The following MTMR4 variants were observed in gnomAD, a reference collection of about 807,000 sequenced individuals.
MTMR4 encodes myotubularin related protein 4.
A neutral mutation model predicts 125.5 loss-of-function variants in MTMR4; 30 were observed. The observed-to-expected ratio is 0.24, with a 90% CI of 0.18 to 0.32. MTMR4 has a LOEUF of 0.32. MTMR4 is among the 10% of genes least tolerant of loss of function. The pLI is 1.00. For missense variants in MTMR4, 1,039 were observed against 1,511.5 expected, an observed-to-expected ratio of 0.69 and a Z score of 5.18; for synonymous variants, 498 against 564.5, an observed-to-expected ratio of 0.88 and a Z score of 1.67.
chr17:58,497,199 C>T (rs1432881873), intron 14 of MTMR4, among the ~76,000 whole-genome samples: 1 of 152,222 alleles, frequency 6.6e-6, no homozygotes, highest in African/African-American at 2.4e-5. Context: ...TTTTAGATGG[C>T]TCAGTCAGTT....
intron 14 of MTMR4, among the ~76,000 whole-genome samples, chr17:58,500,734 C>A (rs139552693): frequency 2.6e-5 from 3 of 113,792 alleles, no homozygotes; most frequent in African/African-American, 3.6e-5. Context: ...GGTGACAGAG[C>A]GAGATTCTGT....
chr17:58,492,865 G>T lies in MTMR4; in HGVS notation c.3340C>A (p.Pro1114Thr). Residue 1114 changes from proline (P) to threonine (T), a missense_variant, in exon 16 of 18, where the codon CCT becomes ACT. Transcript: ENST00000682306. Reference protein sequence around the residue: ...EDCLSEASWEPVDKKETEVTR... With the variant: ...EDCLSEASWETVDKKETEVTR... ...ACCTCAGTCTCTTTCTTATCAACAG[G>T]TTCCCAGCTTGCTTCTGAAAGGCAG... 1 of 1,614,126 alleles carries T rather than the reference G, an allele frequency of 6.2e-7. No homozygotes were observed. The highest frequency in any genetic ancestry group is 1.1e-5 in the South Asian group (1 of 91,082).
chr17:58,511,984 CT>C (rs527911785), intron 3 of MTMR4, among the ~76,000 whole-genome samples: 210 of 147,254 alleles, frequency 1.4e-3, no homozygotes, highest in Middle Eastern at 3.6e-3. Context: ...GGATCCCCAA[CT>C]TTTTTTTTTT....
At position 58,512,489 on chromosome 17, in the gene MTMR4, C is replaced by T. The variant is rs992875198; in HGVS notation, c.153G>A (p.Leu51=). The T allele has an allele frequency of 1.9e-6, 3 of 1,613,954 alleles. No homozygotes were observed. In the African/African-American group the frequency reaches 4.0e-5, roughly 22 times the overall value. The change falls in exon 3 of 18, where the codon CTG becomes CTA. Residue 51 remains leucine, a synonymous_variant. Coordinates refer to ENST00000682306, the MANE Select transcript of MTMR4 (RefSeq NM_001378067.1). This position sits in a 1 kb window ranked among gnomAD's most constrained non-coding sequence, Gnocchi z 4.1. ...EENLQVPFTV[L]QGEGVEFLGR... ...CCAGGAACTCTACTCCCTCACCCTG[C>T]AGCACTGTGAAGGGGACCTGTCAAG...
intron 14 of MTMR4, among the ~76,000 whole-genome samples, chr17:58,501,470 A>G (rs773224901): frequency 1.3e-5 from 2 of 152,004 alleles, no homozygotes; most frequent in African/African-American, 2.4e-5. Context: ...GAGTGACAGA[A>G]CAAGACCCTG....
chr17:58,506,716 C>T (rs1342193318), intron 9 of MTMR4, 27 bp downstream of exon 9: 4 of 1,609,684 alleles, frequency 2.5e-6, no homozygotes, highest in Non-Finnish European at 3.4e-6. Context: ...CACAGGCTGG[C>T]TGCAGACACT....
rs1235302486 is a variant in MTMR4, at chr17:58,504,930, G to A, written c.1190C>T (p.Ser397Leu). Residue 397 changes from serine (S) to leucine (L), a missense_variant, in exon 11 of 18, where the codon TCG (serine) becomes TTG (leucine). This residue lies in a region of MTMR4 where 107 missense variants were observed against 267.4 expected (regional missense o/e 0.40). Coordinates refer to ENST00000682306, the MANE Select transcript of MTMR4 (RefSeq NM_001378067.1). The surrounding 1 kb of genome is among the most constrained non-coding windows in gnomAD (Gnocchi z 7.1). Reference sequence around the variant, plus strand: ...CAGCACAGCTGCTTTTAGCATCACCGACAAGTGCTGCAGCCATTTGGTACT... The same window carrying A: ...CAGCACAGCTGCTTTTAGCATCACCAACAAGTGCTGCAGCCATTTGGTACT... The part of the protein sequence containing the change: ...LESTKWLQHL[S>L]VMLKAAVLVA... 2.5e-6 allele frequency: 4 copies of A among 1,613,364 alleles called. No homozygotes were observed. The highest frequency in any genetic ancestry group is 2.5e-6 in the Non-Finnish European group (3 of 1,179,712).
In MTMR4 at chr17:58,495,837, A is replaced by C; in HGVS notation, c.2347T>G (p.Ser783Ala). The C allele has an allele frequency of 6.2e-7, 1 of 1,614,128 alleles. No homozygotes were observed. The highest frequency in any genetic ancestry group is 8.5e-7 in the Non-Finnish European group (1 of 1,180,024). Residue 783 changes from serine to alanine, a missense_variant, in exon 15 of 18, where the codon TCT becomes GCT. Physicochemically the swap from Ser to Ala is moderately conservative, Grantham distance 99. This residue lies in a region of MTMR4 where 619 missense variants were observed against 714.5 expected (regional missense o/e 0.87). Coordinates refer to ENST00000682306, the MANE Select transcript of MTMR4 (RefSeq NM_001378067.1). Reference sequence around the variant, plus strand: ...TTACAAACTCCATCACACTTGTTAGAAATGACCTTGGAGAGTGCACTGACA... The same window carrying C: ...TTACAAACTCCATCACACTTGTTAGCAATGACCTTGGAGAGTGCACTGACA... ...EAVSALSKVI[S>A]NKCDGVCNFP...
chr17:58,502,470 A>G (rs1228467865), intron 14 of MTMR4, among the ~76,000 whole-genome samples: 1 of 151,510 alleles, frequency 6.6e-6, no homozygotes, highest in South Asian at 2.1e-4. Context: ...TAATTTACAA[A>G]TTTTTAAAAA....
chr17:58,501,384 C>A (rs1189369889), intron 14 of MTMR4, among the ~76,000 whole-genome samples: 1 of 151,914 alleles, frequency 6.6e-6, no homozygotes, highest in Non-Finnish European at 1.5e-5. Flanking sequence ...AATTAGCTAC[C>A]TGGGAGGCTG....
In MTMR4 at chr17:58,512,626, C is replaced by T; in HGVS notation, c.136-120G>A. On this transcript the variant is annotated intron_variant, in intron 2 of 17. Coordinates refer to ENST00000682306, the MANE Select transcript of MTMR4 (RefSeq NM_001378067.1). This position sits in a 1 kb window ranked among gnomAD's most constrained non-coding sequence, Gnocchi z 4.1. ...TGGGCCAAGGCAAGAGAGGAGAGTT[C>T]TCTCCACGGTAACAGCACCAGGCAA... The T allele has an allele frequency of 2.3e-6, 2 of 877,356 alleles. No individual in the cohort carries two copies. The highest frequency in any genetic ancestry group is 2.4e-5 in the East Asian group (1 of 41,254). The allele number at this position is 877,356 out of a possible 1,614,324, so 54.3% of individuals were successfully genotyped here.
rs1364869409 is a variant in MTMR4, at chr17:58,504,589, A to T, written c.1342-101T>A. ...AAGCAGGAAGCTGGCAGCTTCAAAG[A>T]AAAATAGGACTGGACCTAGAAGAGG... On this transcript the variant is annotated intron_variant, in intron 11 of 17. Coordinates refer to ENST00000682306, the MANE Select transcript of MTMR4 (RefSeq NM_001378067.1). The surrounding 1 kb of genome is among the most constrained non-coding windows in gnomAD (Gnocchi z 7.1). 5 of 1,430,546 alleles carry T rather than the reference A, an allele frequency of 3.5e-6. No homozygotes were observed. The East Asian group carries it at 9.2e-5, about 26-fold the overall frequency. The allele number at this position is 1,430,546 out of a possible 1,614,324, so 88.6% of individuals were successfully genotyped here. A position where few individuals can be genotyped will look rare whatever the true frequency, so the allele number is the denominator to read the frequency against.
intron 15 of MTMR4, among the ~76,000 whole-genome samples, chr17:58,494,262 A>C (rs1975392748): frequency 6.8e-6 from 1 of 147,870 alleles, no homozygotes; most frequent in Non-Finnish European, 1.5e-5. Context: ...CGGAGGTTGC[A>C]GTGAGCTGAG....
chr17:58,504,653 A>G lies in MTMR4; in HGVS notation c.1341+126T>C, dbSNP rs911503379. 3.0e-6 allele frequency: 4 copies of G among 1,315,984 alleles called. No individual in the cohort carries two copies. The highest frequency in any genetic ancestry group is 3.1e-6 in the Non-Finnish European group (3 of 962,674). The allele number at this position is 1,315,984 out of a possible 1,614,324, so 81.5% of individuals were successfully genotyped here. A position where few individuals can be genotyped will look rare whatever the true frequency, so the allele number is the denominator to read the frequency against. On this transcript the variant is annotated intron_variant, in intron 11 of 17. Coordinates refer to ENST00000682306, the MANE Select transcript of MTMR4 (RefSeq NM_001378067.1). The surrounding 1 kb of genome is among the most constrained non-coding windows in gnomAD (Gnocchi z 7.1). Reference sequence around the variant, plus strand: ...AATTTTCCAAGCCTTTGGGAGTTGGAAAAAAAAAGAAAAAAAGAGCCACCA... The same window carrying G: ...AATTTTCCAAGCCTTTGGGAGTTGGGAAAAAAAAGAAAAAAAGAGCCACCA...
rs149159403 is a variant in MTMR4, at chr17:58,495,275, C to G, written c.2909G>C (p.Arg970Thr). 18 of 1,614,106 alleles carry G rather than the reference C, an allele frequency of 1.1e-5. No individual in the cohort carries two copies. Among genetic ancestry groups the G allele is most frequent in the Non-Finnish European group, 1.5e-5 (18 of 1,180,064 alleles). The change falls in exon 15 of 18, where the codon AGA (arginine) becomes ACA (threonine). Residue 970 changes from arginine to threonine, a missense_variant. Around this residue, in one of 6 missense-constraint regions of MTMR4, gnomAD observed 619 missense variants for 714.5 expected, o/e 0.87. Coordinates refer to ENST00000682306, the MANE Select transcript of MTMR4 (RefSeq NM_001378067.1). The part of the protein sequence containing the change: ...GPCFGGQWAQ[R>T]EGVKSPVCSS... ...ACAGACAGGTGACTTCACACCTTCTCTCTGAGCCCACTGGCCCCCAAAGCA... is the reference window on the plus strand; with the variant it reads ...ACAGACAGGTGACTTCACACCTTCTGTCTGAGCCCACTGGCCCCCAAAGCA...
Position 58,514,542 on chromosome 17 carries a change from G to A in MTMR4, c.-135C>T, listed in dbSNP as rs1257350379. On this transcript the variant is annotated 5_prime_UTR_variant, in exon 1 of 18. Coordinates refer to ENST00000682306, the MANE Select transcript of MTMR4 (RefSeq NM_001378067.1). ...GCGGCCAAGAGGCTAGGGCGCTGGT[G>A]GCCGGGCCTCCGCGCGGCTCCCGCG... The A allele has an allele frequency of 1.0e-6, 1 of 985,052 alleles. No individual in the cohort carries two copies. Among genetic ancestry groups the A allele is most frequent in the Non-Finnish European group, 1.2e-6 (1 of 829,892 alleles). The allele number at this position is 985,052 out of a possible 1,614,324, so 61.0% of individuals were successfully genotyped here. A position where few individuals can be genotyped will look rare whatever the true frequency, so the allele number is the denominator to read the frequency against.
Position 58,499,610 on chromosome 17 carries a change from T to C in MTMR4, c.1854-3280A>G, listed in dbSNP as rs138663663. ...GTTACTGAGCTCACAACTCCCTTTA[T>C]TTCATTCATTTGTCCAGTTTTTTTT... On this transcript the variant is annotated intron_variant, in intron 14 of 17. Transcript: ENST00000682306. Among the ~76,000 whole-genome samples the C allele has an allele frequency of 5.2e-3, 792 of 151,784 alleles. 2 individuals are homozygous for C. The highest frequency in any genetic ancestry group is 0.01 in the Middle Eastern group (3 of 294).
upstream of MTMR4, chr17:58,516,764 T>G (rs114708796): frequency 2.1e-3 from 1,499 of 715,660 alleles, 13 homozygotes; most frequent in African/African-American, 0.023. Flanking sequence ...CAAGTCACCA[T>G]GCCAGAGAGA....
intron 3 of MTMR4, 47 bp from the exon 4 acceptor site, chr17:58,511,558 A>T (rs987701357): frequency 6.6e-7 from 1 of 1,508,952 alleles, no homozygotes; most frequent in African/African-American, 1.4e-5. Context: ...ACTGGGTACC[A>T]CTCCTCACCC....
Sources: gnomAD v4.1 joint callset for allele counts (sites outside exome capture counted in the v4.1 genomes callset) on GRCh38, gnomAD v4.1.1 for gene constraint, gnomAD v4.1.1 regional missense constraint, Gnocchi (gnomAD v3.1) non-coding constraint, MANE v1.5 for transcripts, NCBI Gene and HGNC (gene_info 2026-07-23, HGNC 2026-07-21) for gene names.